CRYBG2: variants seen among roughly 807,000 people sequenced by gnomAD.
CRYBG2 encodes the protein crystallin beta-gamma domain containing 2.
Under a neutral mutation model 153.4 loss-of-function variants are expected in CRYBG2, and 106 were observed. The ratio of observed to expected loss-of-function variants is 0.69; its 90% CI spans 0.59 to 0.81. The LOEUF (loss-of-function observed/expected upper bound fraction) is 0.81, where lower values mean the gene tolerates loss of function less well. CRYBG2 is among the 30% of genes least tolerant of loss of function. The pLI, the probability that CRYBG2 is intolerant of heterozygous loss-of-function variation, is 0.00. For missense variants in CRYBG2, 1,996 were observed against 2,112.0 expected (o/e 0.95, Z 1.08); for synonymous variants, 851 against 877.8 (o/e 0.97, Z 0.54).
rs1192202329 is a variant in CRYBG2, at chr1:26,347,511, CAG to C, written c.-55-801_-55-800del. Among the ~76,000 whole-genome samples the C allele has an allele frequency of 2.0e-5, 3 of 150,850 alleles. No homozygotes were observed. The East Asian group carries it at 5.8e-4, about 29-fold the overall frequency. On this transcript the variant is annotated intron_variant, in intron 1 of 19. Transcript: ENST00000308182. ...TTTTATTTATTTATTTTTTTTGAGA[CAG>C]AGTCTCGCTCTGTCACCTAGGCTGG...
rs1345813878 is a variant in CRYBG2, at chr1:26,344,374, C to T, written c.2284G>A (p.Ala762Thr). 5 of 1,511,798 alleles carry T rather than the reference C, an allele frequency of 3.3e-6. No individual in the cohort carries two copies. The highest frequency in any genetic ancestry group is 4.3e-5 in the Admixed American group (2 of 46,326). 93.6% of individuals were successfully genotyped at this position (1,511,798 alleles called of 1,614,324 possible). Residue 762 changes from alanine to threonine, a missense_variant, in exon 2 of 20, where the codon GCT (alanine) becomes ACT (threonine). By Grantham distance (58) the Ala-to-Thr change is moderately conservative (BLOSUM62 0). Transcript: ENST00000308182. ...GTATCCAGGAATATCTCCAGGTCAG[C>T]GGCCAGGGCCACCTCATCCTCCTCC... ...SREEDEVALAADLEIFLDTLR... is the reference protein window; with the variant it reads ...SREEDEVALATDLEIFLDTLR...
intron 1 of CRYBG2, among the ~76,000 whole-genome samples, chr1:26,347,141 G>T (rs1421200164): frequency 6.6e-6 from 1 of 152,134 alleles, no homozygotes; most frequent in Non-Finnish European, 1.5e-5. Flanking sequence ...GTTCAGGGAA[G>T]ATGGGCTTTG....
At chr1:26,335,245 G>C (rs1313746701) in intron 14 of CRYBG2, among the ~76,000 whole-genome samples, 1 of 152,132 alleles carries the variant, frequency 6.6e-6, no homozygotes, top group Non-Finnish European at 1.5e-5. Flanking sequence ...GGGAGGCCGA[G>C]GTGGGCGGAT....
chr1:26,336,823 G>C lies in CRYBG2; in HGVS notation c.3911+18C>G. ...GCTCGCCCGGGCCCGCCCCGCTCCCGGAGCCCGGGTCACTTACACGCCGCT... is the reference window on the plus strand; with the variant it reads ...GCTCGCCCGGGCCCGCCCCGCTCCCCGAGCCCGGGTCACTTACACGCCGCT... On this transcript the variant is annotated intron_variant, in intron 11 of 19. Coordinates refer to ENST00000308182, the MANE Select transcript of CRYBG2 (RefSeq NM_001039775.4). The surrounding 1 kb of genome is among the most constrained non-coding windows in gnomAD (Gnocchi z 4.9). The C allele has an allele frequency of 6.4e-7, 1 of 1,574,106 alleles. No homozygotes were observed. Among genetic ancestry groups the C allele is most frequent in the Non-Finnish European group, 8.6e-7 (1 of 1,161,778 alleles).
rs1387183289 is a variant in CRYBG2, at chr1:26,345,879, C to A, written c.779G>T (p.Gly260Val). ...ASHLPRPTAG[G>V]PRSTGLGSTV... ...GCTGCCCAGACCTGTGCTCCTTGGC[C>A]CGCCAGCCGTGGGCCTGGGCAGGTG... Residue 260 changes from glycine (G) to valine (V), a missense_variant, in exon 2 of 20, where the codon GGG (glycine) becomes GTG (valine). Gly to Val is a moderately radical substitution (Grantham distance 109). Transcript: ENST00000308182. 1.3e-6 allele frequency: 2 copies of A among 1,597,282 alleles called. No homozygotes were observed. Among genetic ancestry groups the A allele is most frequent in the South Asian group, 2.2e-5 (2 of 90,956 alleles).
At chr1:26,323,413 T>C (rs535613902) in intron 18 of CRYBG2, among the ~76,000 whole-genome samples, 22 of 152,242 alleles carry the variant, frequency 1.4e-4, no homozygotes, top group Middle Eastern at 3.4e-3. Context: ...TATCTTCCTC[T>C]ATTGAACTTT....
chr1:26,349,217 C>T lies in CRYBG2; in HGVS notation c.-55-2505G>A, dbSNP rs578182514. On this transcript the variant is annotated intron_variant, in intron 1 of 19. Transcript: ENST00000308182. The stretch of plus-strand genomic sequence containing the variant: ...GTAAATAAATGGAGCCCCTTGGCTC[C>T]GTTAGGGCACTTGGGCTTTACAAGG... 6.6e-5 allele frequency among the ~76,000 whole-genome samples: 10 copies of T among 152,198 alleles called. No homozygotes were observed. In the South Asian group the frequency reaches 1.9e-3, roughly 28 times the overall value.
intron 17 of CRYBG2, among the ~76,000 whole-genome samples, chr1:26,327,504 C>T (rs970766000): frequency 2.6e-5 from 4 of 151,946 alleles, no homozygotes. Flanking sequence ...CAAAAATTAG[C>T]CAGATGTGGT....
intron 14 of CRYBG2, among the ~76,000 whole-genome samples, chr1:26,334,921 C>G (rs1197469268): frequency 6.8e-6 from 1 of 147,644 alleles, no homozygotes; most frequent in Non-Finnish European, 1.5e-5. Context: ...GACTCCATCT[C>G]AAAAAAACAA....
intron 1 of CRYBG2, among the ~76,000 whole-genome samples, chr1:26,350,778 G>C (rs1166137162): frequency 6.6e-6 from 1 of 151,996 alleles, no homozygotes; most frequent in African/African-American, 2.4e-5. Flanking sequence ...ACCCCAGAGA[G>C]GCCAGCCTGT....
intron 1 of CRYBG2, among the ~76,000 whole-genome samples, chr1:26,347,474 ATTTATT>A (rs1219837715): frequency 6.8e-6 from 1 of 147,124 alleles, no homozygotes; most frequent in Non-Finnish European, 1.5e-5. Context: ...TTATTTATTT[ATTTATT>A]TTTATTTTTA....
At chr1:26,340,683 G>A (rs1327918761) in intron 5 of CRYBG2, among the ~76,000 whole-genome samples, 1 of 152,030 alleles carries the variant, frequency 6.6e-6, no homozygotes, top group Non-Finnish European at 1.5e-5. Flanking sequence ...TGTGATCTTG[G>A]CTCACCGAAA....
intron 1 of CRYBG2, among the ~76,000 whole-genome samples, chr1:26,351,935 C>T (rs1425273680): frequency 2.0e-5 from 3 of 152,162 alleles, no homozygotes; most frequent in African/African-American, 7.2e-5. Context: ...CAGAAGGGGC[C>T]ATTCCCAGAG....
rs1162582637 is a variant in CRYBG2, at chr1:26,345,153, C to G, written c.1505G>C (p.Gly502Ala). Residue 502 changes from glycine (G) to alanine (A), a missense_variant, in exon 2 of 20, where the codon GGT (glycine) becomes GCT (alanine). Coordinates refer to ENST00000308182, the MANE Select transcript of CRYBG2 (RefSeq NM_001039775.4). Reference sequence around the variant, plus strand: ...GGTGGGAGATGAGGCAGCAGGAGCACCAGGGCCCTTCACGACCTCTTTCCA... The same window carrying G: ...GGTGGGAGATGAGGCAGCAGGAGCAGCAGGGCCCTTCACGACCTCTTTCCA... Reference protein sequence around the residue: ...PTWKEVVKGPGAPAASSPTQK... With the variant: ...PTWKEVVKGPAAPAASSPTQK... 16 of 1,140,176 alleles carry G rather than the reference C, an allele frequency of 1.4e-5. No individual in the cohort carries two copies. The highest frequency in any genetic ancestry group is 5.8e-5 in the East Asian group (2 of 34,362). The allele number at this position is 1,140,176 out of a possible 1,614,324, so 70.6% of individuals were successfully genotyped here. A position where few individuals can be genotyped will look rare whatever the true frequency, so the allele number is the denominator to read the frequency against.
chr1:26,332,167 C>T (rs2074004005), intron 14 of CRYBG2, among the ~76,000 whole-genome samples: 1 of 151,806 alleles, frequency 6.6e-6, no homozygotes. Context: ...ATTAGCCAGG[C>T]GTGGTGGCGG....
chr1:26,328,322 A>C lies in CRYBG2; in HGVS notation c.4465T>G (p.Cys1489Gly). 7 of 1,570,926 alleles carry C rather than the reference A, an allele frequency of 4.5e-6. No individual in the cohort carries two copies. The highest frequency in any genetic ancestry group is 6.0e-6 in the Non-Finnish European group (7 of 1,157,378). Residue 1489 changes from cysteine to glycine, a missense_variant, in exon 17 of 20, where the codon TGT (cysteine) becomes GGT (glycine). Transcript: ENST00000308182. Reference protein sequence around the residue: ...VRIKGGIWVLCEHSDFRGRQW... With the variant: ...VRIKGGIWVLGEHSDFRGRQW... ...CGGCCCCGGAAGTCACTGTGTTCAC[A>C]TAGCACCCAACTGGGCCCAGCAGGT...
chr1:26,343,706 G>C lies in CRYBG2; in HGVS notation c.2913+39C>G, dbSNP rs1166710493. On this transcript the variant is annotated intron_variant, in intron 2 of 19. Coordinates refer to ENST00000308182, the MANE Select transcript of CRYBG2 (RefSeq NM_001039775.4). The surrounding 1 kb of genome is among the most constrained non-coding windows in gnomAD (Gnocchi z 4.1). Reference sequence around the variant, plus strand: ...ACCACTCAAGCCTTGACCCAGGTGAGGCCAGGCACCTCCCTTGCCCACCCG... The same window carrying C: ...ACCACTCAAGCCTTGACCCAGGTGACGCCAGGCACCTCCCTTGCCCACCCG... 1.2e-5 allele frequency: 17 copies of C among 1,440,704 alleles called. No homozygotes were observed. In the East Asian group the frequency reaches 3.5e-4, roughly 30 times the overall value. The allele number at this position is 1,440,704 out of a possible 1,614,324, so 89.2% of individuals were successfully genotyped here.
At chr1:26,349,037 T>C (rs1173205774) in intron 1 of CRYBG2, among the ~76,000 whole-genome samples, 1 of 151,708 alleles carries the variant, frequency 6.6e-6, no homozygotes, top group Non-Finnish European at 1.5e-5. Context: ...GGCATGGTGG[T>C]GGGCACCTGT....
intron 14 of CRYBG2, among the ~76,000 whole-genome samples, chr1:26,332,194 C>A (rs1200961220): frequency 1.3e-5 from 2 of 151,126 alleles, no homozygotes; most frequent in African/African-American, 4.9e-5. Context: ...GTAGTCCCAG[C>A]TACTCAGGAG....
Sources: allele counts gnomAD v4.1 joint callset (sites outside exome capture counted in the v4.1 genomes callset), GRCh38; gene constraint gnomAD v4.1.1; non-coding constraint Gnocchi (gnomAD v3.1); transcripts MANE v1.5; gene names NCBI Gene and HGNC (gene_info 2026-07-23, HGNC 2026-07-21).